The following PROX1 variants were observed in gnomAD, a reference collection of about 807,000 sequenced individuals.
PROX1 encodes the protein prospero homeobox protein 1.
A neutral mutation model predicts 58.8 loss-of-function variants in PROX1; 7 were observed. The observed-to-expected ratio is 0.12, with a 90% CI of 0.07 to 0.22. PROX1 has a LOEUF of 0.22. PROX1 is among the 10% of genes least tolerant of loss of function. The pLI is 1.00. For synonymous variants in PROX1, 350 were observed against 358.3 expected (o/e 0.98, Z 0.26); for missense variants, 675 against 927.8 (o/e 0.73, Z 3.54).
At chr1:213,995,334 A>T (rs1216985900) in intron 1 of PROX1, among the ~76,000 whole-genome samples, 1 of 152,218 alleles carries the variant, frequency 6.6e-6, no homozygotes, top group Admixed American at 6.5e-5. Flanking sequence ...TCAAAGAAGG[A>T]TGTTCTCTTT....
intron 4 of PROX1, among the ~76,000 whole-genome samples, chr1:214,012,447 G>T (rs181008990): frequency 6.6e-6 from 1 of 152,300 alleles, no homozygotes; most frequent in East Asian, 1.9e-4. Context: ...CAATATCCAT[G>T]CAACAATGAA....
intron 3 of PROX1, 48 bp downstream of exon 3, chr1:214,005,320 C>A (rs370893886): frequency 6.9e-7 from 1 of 1,442,870 alleles, no homozygotes. Flanking sequence ...ATGCATGTGG[C>A]AGTAATTTGA....
intron 4 of PROX1, among the ~76,000 whole-genome samples, chr1:214,035,218 C>T (rs1429586145): frequency 9.2e-5 from 14 of 151,964 alleles, no homozygotes; most frequent in African/African-American, 3.4e-4. Context: ...ATAAAGAAGC[C>T]CAACTATTTG....
intron 4 of PROX1, among the ~76,000 whole-genome samples, chr1:214,020,053 T>C (rs186984067): frequency 1.3e-4 from 20 of 152,254 alleles, no homozygotes; most frequent in African/African-American, 3.8e-4. Context: ...AAATGAATAG[T>C]GACTTTGAAT....
intron 4 of PROX1, among the ~76,000 whole-genome samples, chr1:214,018,780 G>A (rs1027273111): frequency 6.6e-6 from 1 of 152,122 alleles, no homozygotes; most frequent in Non-Finnish European, 1.5e-5. Flanking sequence ...CCGACAGGAT[G>A]GCCAGAATCA....
At chr1:213,984,557 T>TC (rs141190641), upstream of PROX1, 14,880 of 152,054 alleles carry the variant, frequency 0.098, 910 homozygotes, top group Non-Finnish European at 0.13. Flanking sequence ...GCATTTCACT[T>TC]CCCCCCCATT....
At position 214,036,814 on chromosome 1, in the gene PROX1, T is replaced by C. The variant is rs1664844064; in HGVS notation, c.*980T>C. ...AATAAAGGAAAGCCCAACTTGGCCA[T>C]AAAATTCTTGCCTACACTAGAAGTT... On this transcript the variant is annotated 3_prime_UTR_variant, in exon 5 of 5. Transcript: ENST00000366958. 1 of 152,220 alleles carries C rather than the reference T, an allele frequency of 6.6e-6. No homozygotes were observed. The highest frequency in any genetic ancestry group is 2.4e-5 in the African/African-American group (1 of 41,468). 9.4% of individuals were successfully genotyped at this position (152,220 alleles called of 1,614,324 possible).
chr1:214,027,706 G>A (rs749027129), intron 4 of PROX1, among the ~76,000 whole-genome samples: 37 of 152,064 alleles, frequency 2.4e-4, no homozygotes, highest in Admixed American at 4.6e-4. Flanking sequence ...TTATCTAGCC[G>A]AGAAAACGAA....
chr1:213,991,979 A>T (rs1260917484), intron 1 of PROX1, among the ~76,000 whole-genome samples: 1 of 152,224 alleles, frequency 6.6e-6, no homozygotes, highest in East Asian at 1.9e-4. Flanking sequence ...GGAATTTCTC[A>T]GACTTATTGC....
rs769351639 is a variant in PROX1 at position 213,997,195 on chromosome 1, T to G, written c.660T>G (p.Ser220Arg). 1 of 1,609,354 alleles carries G rather than the reference T, an allele frequency of 6.2e-7. No homozygotes were observed. Among genetic ancestry groups the G allele is most frequent in the Non-Finnish European group, 8.5e-7 (1 of 1,178,652 alleles). The change falls in exon 2 of 5, where the codon AGT becomes AGG. Residue 220 changes from serine to arginine, a missense_variant. Transcript: ENST00000366958. The surrounding 1 kb of genome is among the most constrained non-coding windows in gnomAD (Gnocchi z 7.1). ...KQKLPQQQQQ[S>R]FQQLVSARKE... ...AGCTTCCCCAGCAGCAGCAACAGAG[T>G]TTCCAGCAGCTGGTTTCAGCCCGAA...
intron 1 of PROX1, among the ~76,000 whole-genome samples, chr1:213,993,839 A>T (rs1190924848): frequency 6.6e-6 from 1 of 152,200 alleles, no homozygotes; most frequent in Non-Finnish European, 1.5e-5. Flanking sequence ...TTACAACAAG[A>T]CCTAAAAGTA....
rs1329499361 is a variant in PROX1 at position 214,035,952 on chromosome 1, T to C, written c.*118T>C. The C allele has an allele frequency of 1.1e-5, 9 of 794,930 alleles. No homozygotes were observed. In the East Asian group the frequency reaches 1.3e-4, roughly 11 times the overall value. 49.2% of individuals were successfully genotyped at this position (794,930 alleles called of 1,614,324 possible). On this transcript the variant is annotated 3_prime_UTR_variant, in exon 5 of 5. Coordinates refer to ENST00000366958, the MANE Select transcript of PROX1 (RefSeq NM_001270616.2). The stretch of plus-strand genomic sequence containing the variant: ...GTGTATGGGAGGCATGGATATGTTA[T>C]GAAATCAGCTGGTAATTCCTCCTCA...
chr1:214,024,378 A>C (rs1664382800), intron 4 of PROX1, among the ~76,000 whole-genome samples: 1 of 152,182 alleles, frequency 6.6e-6, no homozygotes, highest in South Asian at 2.1e-4. Context: ...GTCAAAACCA[A>C]GGGATGGGAT....
chr1:214,021,268 A>G (rs1232896226), intron 4 of PROX1, among the ~76,000 whole-genome samples: 2 of 152,240 alleles, frequency 1.3e-5, no homozygotes, highest in African/African-American at 4.8e-5. Flanking sequence ...CCTTAAGATA[A>G]TAATTCTCTA....
chr1:214,030,187 A>G (rs572039471), intron 4 of PROX1: 101 of 152,192 alleles, frequency 6.6e-4, no homozygotes, highest in African/African-American at 2.3e-3. Flanking sequence ...TTATAGTATA[A>G]AAAAAAATGG....
intron 3 of PROX1, 105 bp downstream of exon 3, chr1:214,005,377 C>T (rs1435127501): frequency 1.8e-5 from 15 of 841,558 alleles, no homozygotes; most frequent in Non-Finnish European, 2.6e-5. Context: ...TTTATTCCTA[C>T]ACCTGTGTTA....
At chr1:213,999,617 C>G (rs1663419538) in intron 2 of PROX1, among the ~76,000 whole-genome samples, 2 of 152,144 alleles carry the variant, frequency 1.3e-5, no homozygotes, top group Admixed American at 1.3e-4. Context: ...CATGGAGTCT[C>G]TCTTATACTG....
intron 1 of PROX1, among the ~76,000 whole-genome samples, chr1:213,994,625 G>A (rs56052522): frequency 6.6e-6 from 1 of 150,520 alleles, no homozygotes; most frequent in Non-Finnish European, 1.5e-5. Context: ...TGTTTGAAAG[G>A]GTCTCAATCA....
In PROX1 at chr1:214,035,609, T is replaced by C. The variant is rs138046120; in HGVS notation, c.2029-40T>C. 2.9e-3 allele frequency: 4,624 copies of C among 1,571,576 alleles called. 98 individuals carry two copies. In the African/African-American group the frequency reaches 0.052, roughly 18 times the overall value. ...CTTGGAATAACTGTAGACTTGAAAC[T>C]GAAAACTTTATTAATGCCATTGTCT... On this transcript the variant is annotated intron_variant, in intron 4 of 4. Coordinates refer to ENST00000366958, the MANE Select transcript of PROX1 (RefSeq NM_001270616.2).
Sources: gnomAD v4.1 joint callset for allele counts (sites outside exome capture counted in the v4.1 genomes callset) on GRCh38, gnomAD v4.1.1 for gene constraint, Gnocchi (gnomAD v3.1) non-coding constraint, MANE v1.5 for transcripts, NCBI Gene and HGNC (gene_info 2026-07-23, HGNC 2026-07-21) for gene names.